Variants in PTPRG observed in about 807,000 individuals in gnomAD.
PTPRG encodes protein tyrosine phosphatase receptor type G.
In PTPRG, 102 loss-of-function variants were observed where a neutral mutation model predicts 165.3. That is an observed-to-expected ratio of 0.62 (90% CI 0.53 to 0.73). PTPRG has a LOEUF of 0.73. PTPRG is among the 30% of genes least tolerant of loss of function. The probability of loss-of-function intolerance (pLI) is 0.00; values close to 1 mark genes in which losing one functional copy is unlikely to be tolerated. For missense variants in PTPRG, 1,866 were observed against 1,861.4 expected (o/e 1.00, Z -0.05); for synonymous variants, 675 against 669.5 (o/e 1.01, Z -0.13).
chr3:61,663,964 G>T (rs1404562726), intron 1 of PTPRG, among the ~76,000 whole-genome samples: 2 of 152,192 alleles, frequency 1.3e-5, no homozygotes, highest in Non-Finnish European at 2.9e-5. Flanking sequence ...TGTCCTGGGG[G>T]TTGGGGACCC....
chr3:61,591,688 G>A (rs1016128214), intron 1 of PTPRG, among the ~76,000 whole-genome samples: 1 of 152,198 alleles, frequency 6.6e-6, no homozygotes, highest in Non-Finnish European at 1.5e-5. Flanking sequence ...TTTGAACTTG[G>A]TGGTGGAAGC....
intron 26 of PTPRG, among the ~76,000 whole-genome samples, chr3:62,279,349 A>G (rs1322990612): frequency 6.6e-6 from 1 of 152,102 alleles, no homozygotes; most frequent in Non-Finnish European, 1.5e-5. Context: ...TTAGACTTTC[A>G]AGATGAACCA....
chr3:61,656,139 G>A (rs1456645349), intron 1 of PTPRG, among the ~76,000 whole-genome samples: 1 of 151,976 alleles, frequency 6.6e-6, no homozygotes, highest in Non-Finnish European at 1.5e-5. Flanking sequence ...GGCTGAGGAG[G>A]GAGGATCAGT....
intron 2 of PTPRG, among the ~76,000 whole-genome samples, chr3:61,809,106 G>A (rs990814203): frequency 2.0e-5 from 3 of 149,902 alleles, no homozygotes; most frequent in Non-Finnish European, 3.0e-5. Context: ...TAAAGTGTTA[G>A]TTCACTGCCT....
intron 2 of PTPRG, among the ~76,000 whole-genome samples, chr3:61,768,968 A>G (rs1325189870): frequency 6.6e-6 from 1 of 152,194 alleles, no homozygotes; most frequent in Non-Finnish European, 1.5e-5. Context: ...ATGAAGTAGT[A>G]AAAGGAAAAA....
intron 4 of PTPRG, among the ~76,000 whole-genome samples, chr3:62,058,383 G>A (rs1700699179): frequency 1.3e-5 from 2 of 152,058 alleles, no homozygotes; most frequent in South Asian, 4.2e-4. Context: ...GTCAACCAGG[G>A]TTGTCTGAAA....
chr3:61,929,016 C>A (rs966190059), intron 2 of PTPRG, among the ~76,000 whole-genome samples: 1 of 152,074 alleles, frequency 6.6e-6, no homozygotes, highest in Non-Finnish European at 1.5e-5. Context: ...ACTGAACATC[C>A]TACAATGCAC....
intron 1 of PTPRG, among the ~76,000 whole-genome samples, chr3:61,575,046 A>G (rs923689796): frequency 1.2e-4 from 19 of 152,212 alleles, no homozygotes; most frequent in African/African-American, 4.1e-4. Context: ...AAATTTCAAC[A>G]AGATTTGGTG....
In PTPRG at chr3:61,833,342, G is replaced by A. The variant is rs537672922; in HGVS notation, c.190+84360G>A. Reference sequence around the variant, plus strand: ...TGCATGTGCTTGATATAGCAAATCTGCTTAAAAACGTGCAGAAGAAATCTC... The same window carrying A: ...TGCATGTGCTTGATATAGCAAATCTACTTAAAAACGTGCAGAAGAAATCTC... On this transcript the variant is annotated intron_variant, in intron 2 of 29. Transcript: ENST00000474889. Among the ~76,000 whole-genome samples the A allele has an allele frequency of 7.2e-5, 11 of 152,212 alleles. No individual in the cohort carries two copies. The South Asian group carries it at 2.3e-3, about 32-fold the overall frequency.
intron 1 of PTPRG, among the ~76,000 whole-genome samples, chr3:61,720,906 T>C (rs1015955956): frequency 5.9e-5 from 9 of 152,254 alleles, no homozygotes; most frequent in African/African-American, 1.9e-4. Flanking sequence ...TTGTTTCTGC[T>C]GCGTTGGCCT....
At chr3:61,967,324 G>A (rs1260148467) in intron 2 of PTPRG, among the ~76,000 whole-genome samples, 2 of 152,072 alleles carry the variant, frequency 1.3e-5, no homozygotes, top group African/African-American at 4.8e-5. Flanking sequence ...TAACAAACTA[G>A]GCAGAGTCGA....
chr3:61,801,283 T>C (rs897142446), intron 2 of PTPRG, among the ~76,000 whole-genome samples: 3 of 150,562 alleles, frequency 2.0e-5, no homozygotes, highest in African/African-American at 7.3e-5. Flanking sequence ...GGGAGGGTGG[T>C]GTGCGCACAC....
chr3:62,154,052 A>G (rs191820571), intron 6 of PTPRG, among the ~76,000 whole-genome samples: 25 of 152,322 alleles, frequency 1.6e-4, no homozygotes, highest in African/African-American at 5.8e-4. Flanking sequence ...TCTTCTATTT[A>G]TCCAGCCCTA....
chr3:62,257,942 C>G (rs543845531), intron 16 of PTPRG, among the ~76,000 whole-genome samples: 97 of 152,132 alleles, frequency 6.4e-4, no homozygotes, highest in African/African-American at 2.3e-3. Context: ...CCAGCCTGAG[C>G]GACAGAGCAA....
chr3:61,820,726 C>T (rs776070826), intron 2 of PTPRG, among the ~76,000 whole-genome samples: 1 of 150,672 alleles, frequency 6.6e-6, no homozygotes, highest in East Asian at 2.0e-4. Flanking sequence ...GATAGAGGCG[C>T]CTGGCTGCTG....
At chr3:61,800,679 T>C (rs1175688552) in intron 2 of PTPRG, among the ~76,000 whole-genome samples, 3 of 151,866 alleles carry the variant, frequency 2.0e-5, no homozygotes, top group Admixed American at 6.6e-5. Context: ...TTTTTGTTCT[T>C]GTTGCCCAGG....
chr3:61,737,266 T>C (rs907582275), intron 1 of PTPRG, among the ~76,000 whole-genome samples: 1 of 152,186 alleles, frequency 6.6e-6, no homozygotes, highest in African/African-American at 2.4e-5. Context: ...TTTATTTTCA[T>C]GTTGTTCAGT....
chr3:62,031,003 G>A (rs1312979621), intron 4 of PTPRG, among the ~76,000 whole-genome samples: 2 of 152,168 alleles, frequency 1.3e-5, no homozygotes, highest in Non-Finnish European at 2.9e-5. Flanking sequence ...AATTTCCACT[G>A]GCTAAACGGG....
chr3:61,728,655 G>C (rs2032360787), intron 1 of PTPRG, among the ~76,000 whole-genome samples: 1 of 150,660 alleles, frequency 6.6e-6, no homozygotes, highest in Non-Finnish European at 1.5e-5. Flanking sequence ...TTTCAATTAA[G>C]ATGATCTAGC....
Sources: gnomAD v4.1 joint callset for allele counts (sites outside exome capture counted in the v4.1 genomes callset) on GRCh38, gnomAD v4.1.1 for gene constraint, MANE v1.5 for transcripts, NCBI Gene and HGNC (gene_info 2026-07-23, HGNC 2026-07-21) for gene names.